The following DHX57 variants were observed in gnomAD, a reference collection of about 807,000 sequenced individuals.
The protein encoded by DHX57 is DExH-box helicase 57, also known as putative ATP-dependent RNA helicase DHX57.
DHX57 carries 105 observed loss-of-function variants against 156.2 expected under a neutral mutation model. The ratio of observed to expected loss-of-function variants is 0.67; its 90% CI spans 0.57 to 0.79. The LOEUF (loss-of-function observed/expected upper bound fraction) is 0.79, where lower values mean the gene tolerates loss of function less well. Among genes scored for constraint, DHX57 ranks in the 30% least tolerant of loss-of-function variants. The pLI is 0.00. For missense variants in DHX57, 1,847 were observed against 1,661.9 expected, an observed-to-expected ratio of 1.11 and a Z score of -1.94; for synonymous variants, 704 against 595.6, an observed-to-expected ratio of 1.18 and a Z score of -2.65.
intron 14 of DHX57, among the ~76,000 whole-genome samples, chr2:38,827,136 A>G (rs532860230): frequency 2.5e-4 from 38 of 151,158 alleles, no homozygotes; most frequent in African/African-American, 8.7e-4. Flanking sequence ...CGTCTCGAAA[A>G]ATAAAATAAA....
chr2:38,849,187 T>C (rs1484365422), intron 9 of DHX57, among the ~76,000 whole-genome samples: 5 of 152,158 alleles, frequency 3.3e-5, no homozygotes, highest in Admixed American at 3.3e-4. Context: ...TGGTTAATTA[T>C]AACAATATCA....
At chr2:38,841,274 G>C (rs1262772782) in intron 12 of DHX57, among the ~76,000 whole-genome samples, 1 of 152,156 alleles carries the variant, frequency 6.6e-6, no homozygotes, top group African/African-American at 2.4e-5. Flanking sequence ...CTATCCTTGT[G>C]GGTTTGTATT....
chr2:38,848,505 A>G (rs1403751172), intron 9 of DHX57, 103 bp from the exon 10 acceptor site: 9 of 806,372 alleles, frequency 1.1e-5, no homozygotes, highest in South Asian at 3.3e-5. Context: ...GATCTCTGTG[A>G]AAAAAAAAAA....
chr2:38,875,231 A>C (rs1665552388), intron 1 of DHX57, among the ~76,000 whole-genome samples: 1 of 152,068 alleles, frequency 6.6e-6, no homozygotes, highest in Non-Finnish European at 1.5e-5. Context: ...GCCCGGGAAG[A>C]CTCCAACTAT....
chr2:38,819,793 G>C (rs1053999882), intron 17 of DHX57, among the ~76,000 whole-genome samples: 1 of 152,116 alleles, frequency 6.6e-6, no homozygotes, highest in Admixed American at 6.6e-5. Context: ...TTCTACGTTT[G>C]AGTCTCCCTT....
chr2:38,808,174 C>T (rs552791236), intron 21 of DHX57, among the ~76,000 whole-genome samples: 8 of 146,682 alleles, frequency 5.5e-5, no homozygotes, highest in Non-Finnish European at 1.2e-4. Context: ...AGGATGGTCT[C>T]GATCTCTTGA....
chr2:38,847,719 T>C (rs1672363357), intron 10 of DHX57, among the ~76,000 whole-genome samples: 1 of 152,206 alleles, frequency 6.6e-6, no homozygotes, highest in Non-Finnish European at 1.5e-5. Context: ...TCAACTTTGA[T>C]GTTAAACACA....
At chr2:38,831,227 A>G (rs1434578710) in intron 13 of DHX57, among the ~76,000 whole-genome samples, 1 of 151,930 alleles carries the variant, frequency 6.6e-6, no homozygotes, top group Non-Finnish European at 1.5e-5. Flanking sequence ...TGTCTGGGAT[A>G]TCTTTAATGT....
intron 13 of DHX57, 51 bp from the exon 14 acceptor site, chr2:38,828,487 A>G (rs1252430781): frequency 1.5e-6 from 2 of 1,335,526 alleles, no homozygotes; most frequent in Non-Finnish European, 2.1e-6. Context: ...CACAGAAAAG[A>G]AACAAGAAAA....
chr2:38,859,723 C>A (rs895807857), intron 5 of DHX57, among the ~76,000 whole-genome samples: 9 of 151,790 alleles, frequency 5.9e-5, no homozygotes, highest in African/African-American at 2.2e-4. Flanking sequence ...TCACTGTTCT[C>A]TACTCATTGA....
At chr2:38,807,945 CTTTTTTTTTTTTTTTT>C (rs34221239) in intron 21 of DHX57, among the ~76,000 whole-genome samples, 1 of 54,228 alleles carries the variant, frequency 1.8e-5, no homozygotes, top group Non-Finnish European at 3.6e-5. Flanking sequence ...TGTGTCTTGC[CTTTTTTTTTTTTTTTT>C]TTTTTTTTTT....
rs541205155 is a variant in DHX57 at position 38,856,371 on chromosome 2, G to A, written c.1678C>T (p.His560Tyr). ...RETILNLLRK[H>Y]QVVVISGMTG... The stretch of plus-strand genomic sequence containing the variant: ...ATACCACTTATGACAACCACCTGGT[G>A]CTTACGCAATAAGTTAAGAATGGTT... Residue 560 changes from histidine to tyrosine, a missense_variant, in exon 7 of 24, where the codon CAC becomes TAC. By Grantham distance (83) the His-to-Tyr change is moderately conservative. Coordinates refer to ENST00000457308, the MANE Select transcript of DHX57 (RefSeq NM_198963.3). 5.0e-6 allele frequency: 8 copies of A among 1,613,080 alleles called. No homozygotes were observed. Among genetic ancestry groups the A allele is most frequent in the Non-Finnish European group, 6.8e-6 (8 of 1,179,794 alleles).
chr2:38,862,587 C>T (rs542426030), intron 3 of DHX57: 70 of 286,192 alleles, frequency 2.4e-4, no homozygotes, highest in Admixed American at 8.3e-4. Flanking sequence ...CCAAATACTA[C>T]TGGAATGTCC....
intron 1 of DHX57, among the ~76,000 whole-genome samples, chr2:38,869,258 C>T (rs938429726): frequency 6.6e-6 from 1 of 152,212 alleles, no homozygotes; most frequent in Non-Finnish European, 1.5e-5. Context: ...CAGATAGCTC[C>T]TAATCTTTTT....
At chr2:38,872,338 C>G (rs1342938117) in intron 1 of DHX57, among the ~76,000 whole-genome samples, 3 of 152,104 alleles carry the variant, frequency 2.0e-5, no homozygotes, top group Non-Finnish European at 4.4e-5. Context: ...TTGAGAAATA[C>G]AGACATCCAA....
chr2:38,860,036 C>G (rs1673109747), intron 5 of DHX57, among the ~76,000 whole-genome samples: 2 of 152,184 alleles, frequency 1.3e-5, no homozygotes, highest in South Asian at 4.1e-4. Flanking sequence ...CCAGGCTGGT[C>G]TCAAACTCCT....
chr2:38,812,879 G>A (rs537243508), intron 21 of DHX57, among the ~76,000 whole-genome samples: 8 of 87,600 alleles, frequency 9.1e-5, no homozygotes, highest in East Asian at 7.5e-4. Flanking sequence ...ACAGAGTCTC[G>A]GTCTGTGGCC....
At chr2:38,811,390 C>T (rs1670239759) in intron 21 of DHX57, 1 of 558,236 alleles carries the variant, frequency 1.8e-6, no homozygotes. Flanking sequence ...TGATGTAAGG[C>T]CTGGGAAGAG....
At chr2:38,874,559 G>A (rs563275587) in intron 1 of DHX57, among the ~76,000 whole-genome samples, 8 of 151,910 alleles carry the variant, frequency 5.3e-5, no homozygotes, top group Non-Finnish European at 1.0e-4. Context: ...ACAGGCACCC[G>A]CCACCATGCC....
Sources: gnomAD v4.1 joint callset for allele counts (sites outside exome capture counted in the v4.1 genomes callset) on GRCh38, gnomAD v4.1.1 for gene constraint, MANE v1.5 for transcripts, NCBI Gene and HGNC (gene_info 2026-07-23, HGNC 2026-07-21) for gene names.